Variants in GPC5 observed in about 807,000 individuals in gnomAD.
The protein encoded by GPC5 is glypican 5.
In GPC5, 47 loss-of-function variants were observed where a neutral mutation model predicts 53.9. The observed-to-expected ratio is 0.87, with a 90% confidence interval of 0.69 to 1.11. The LOEUF (loss-of-function observed/expected upper bound fraction) is 1.11, where lower values mean the gene tolerates loss of function less well. Among genes scored for constraint, GPC5 ranks in the 50% most tolerant of loss-of-function variants. GPC5 has a pLI of 0.00. For synonymous variants in GPC5, 286 were observed against 263.3 expected (o/e 1.09, Z -0.84); for missense variants, 748 against 713.1 (o/e 1.05, Z -0.56).
intron 6 of GPC5, among the ~76,000 whole-genome samples, chr13:92,124,534 C>T (rs1413715377): frequency 6.6e-6 from 1 of 152,176 alleles, no homozygotes; most frequent in Non-Finnish European, 1.5e-5. Context: ...GCAAGCAACA[C>T]TTTTGACCAT....
At chr13:92,646,970 A>G (rs1441598096) in intron 7 of GPC5, among the ~76,000 whole-genome samples, 18 of 85,836 alleles carry the variant, frequency 2.1e-4, no homozygotes, top group Non-Finnish European at 5.5e-4. Context: ...GTGTGTGTAT[A>G]TAAACCTGGC....
chr13:92,705,423 A>G (rs950372920), intron 7 of GPC5, among the ~76,000 whole-genome samples: 2 of 152,188 alleles, frequency 1.3e-5, no homozygotes, highest in Admixed American at 6.6e-5. Flanking sequence ...GCACCTAGCT[A>G]CATATGGCTA....
intron 5 of GPC5, among the ~76,000 whole-genome samples, chr13:91,904,112 T>A (rs189827343): frequency 2.5e-4 from 38 of 151,382 alleles, no homozygotes; most frequent in Admixed American, 2.3e-3. Context: ...GATTGTTTTG[T>A]TTTGCTTAGT....
intron 7 of GPC5, among the ~76,000 whole-genome samples, chr13:92,153,849 A>G (rs114754877): frequency 0.019 from 2,840 of 152,306 alleles, 89 homozygotes; most frequent in African/African-American, 0.063. Flanking sequence ...TTTCCCTCAT[A>G]ATTAATTGGA....
intron 7 of GPC5, among the ~76,000 whole-genome samples, chr13:92,855,701 T>G (rs967997043): frequency 4.6e-5 from 7 of 150,694 alleles, no homozygotes. Flanking sequence ...CTACAAAAGA[T>G]CCTCAAAGAC....
intron 7 of GPC5, among the ~76,000 whole-genome samples, chr13:92,506,423 A>G (rs1453232688): frequency 6.6e-6 from 1 of 152,164 alleles, no homozygotes; most frequent in Non-Finnish European, 1.5e-5. Flanking sequence ...AAAATAGATT[A>G]CAGAAAATAT....
chr13:91,421,530 C>CA (rs900374275), intron 1 of GPC5, among the ~76,000 whole-genome samples: 4 of 151,922 alleles, frequency 2.6e-5, no homozygotes, highest in African/African-American at 9.7e-5. Flanking sequence ...AATGCAACAA[C>CA]AAAAAAATCC....
intron 7 of GPC5, among the ~76,000 whole-genome samples, chr13:92,565,587 G>C (rs1290544705): frequency 6.6e-6 from 1 of 151,994 alleles, no homozygotes; most frequent in Non-Finnish European, 1.5e-5. Context: ...TTTCAGTAAA[G>C]TTGCCCTATC....
At chr13:91,427,058 A>G (rs1879106610) in intron 1 of GPC5, among the ~76,000 whole-genome samples, 1 of 152,190 alleles carries the variant, frequency 6.6e-6, no homozygotes, top group African/African-American at 2.4e-5. Context: ...CTGTATGGAA[A>G]TGCCTGGATG....
chr13:91,505,438 A>C (rs566731282), intron 2 of GPC5, among the ~76,000 whole-genome samples: 1 of 152,182 alleles, frequency 6.6e-6, no homozygotes, highest in Non-Finnish European at 1.5e-5. Context: ...CTCTTCCCCA[A>C]AATTTCTGTA....
chr13:92,611,748 T>C (rs1884443773), intron 7 of GPC5, among the ~76,000 whole-genome samples: 1 of 152,142 alleles, frequency 6.6e-6, no homozygotes. Context: ...TATTCTCTCT[T>C]TTCTTTTAAA....
At chr13:92,725,247 A>G (rs900537339) in intron 7 of GPC5, among the ~76,000 whole-genome samples, 1 of 151,470 alleles carries the variant, frequency 6.6e-6, no homozygotes, top group Non-Finnish European at 1.5e-5. Context: ...ATTGTCTCAT[A>G]AATTTGCTAC....
intron 6 of GPC5, among the ~76,000 whole-genome samples, chr13:91,941,383 G>C (rs780017458): frequency 2.0e-5 from 3 of 152,020 alleles, no homozygotes; most frequent in Non-Finnish European, 4.4e-5. Context: ...ATTCAATCCA[G>C]TCCTTCAATT....
At chr13:92,048,960 G>C (rs1161966999) in intron 6 of GPC5, among the ~76,000 whole-genome samples, 2 of 152,066 alleles carry the variant, frequency 1.3e-5, no homozygotes. Context: ...GGCTTATTTG[G>C]AACAGATTTA....
intron 7 of GPC5, among the ~76,000 whole-genome samples, chr13:92,147,778 T>C (rs1228059306): frequency 3.9e-5 from 6 of 152,108 alleles, no homozygotes; most frequent in African/African-American, 1.4e-4. Flanking sequence ...TTATAGCTGT[T>C]GCCTTTCAAT....
chr13:92,650,453 C>T (rs1885918991), intron 7 of GPC5, among the ~76,000 whole-genome samples: 1 of 152,034 alleles, frequency 6.6e-6, no homozygotes, highest in Non-Finnish European at 1.5e-5. Flanking sequence ...ATATTTTTGA[C>T]ATGTTACCAA....
At chr13:91,428,357 G>T (rs1305512907) in intron 1 of GPC5, among the ~76,000 whole-genome samples, 1 of 152,142 alleles carries the variant, frequency 6.6e-6, no homozygotes, top group Non-Finnish European at 1.5e-5. Flanking sequence ...GGGTATTTAT[G>T]GTTTTAGAAT....
intron 7 of GPC5, among the ~76,000 whole-genome samples, chr13:92,793,681 A>G (rs527435071): frequency 6.6e-6 from 1 of 152,280 alleles, no homozygotes; most frequent in East Asian, 1.9e-4. Context: ...AATAGACACA[A>G]TAAAAAATGA....
chr13:91,709,612 G>C (rs969001475), intron 3 of GPC5, among the ~76,000 whole-genome samples: 2 of 152,110 alleles, frequency 1.3e-5, no homozygotes, highest in African/African-American at 4.8e-5. Context: ...GAAATGGTTG[G>C]GTAACTTTGT....
Sources: gnomAD v4.1 joint callset for allele counts (sites outside exome capture counted in the v4.1 genomes callset) on GRCh38, gnomAD v4.1.1 for gene constraint, MANE v1.5 for transcripts, NCBI Gene and HGNC (gene_info 2026-07-23, HGNC 2026-07-21) for gene names.